Variants in RTF1 observed in about 807,000 individuals in gnomAD.
RTF1 encodes RNA polymerase-associated protein RTF1 homolog.
A neutral mutation model predicts 95.7 loss-of-function variants in RTF1; 10 were observed. The ratio of observed to expected loss-of-function variants is 0.10; its 90% CI spans 0.06 to 0.18. The LOEUF is 0.18. RTF1 is among the 10% of genes least tolerant of loss of function. The probability of loss-of-function intolerance (pLI) is 1.00; values close to 1 mark genes in which losing one functional copy is unlikely to be tolerated. For synonymous variants in RTF1, 305 were observed against 311.8 expected (o/e 0.98, Z 0.23); for missense variants, 458 against 875.6 (o/e 0.52, Z 6.02).
chr15:41,426,191 T>C (rs1421483230), intron 1 of RTF1, among the ~76,000 whole-genome samples: 1 of 152,176 alleles, frequency 6.6e-6, no homozygotes, highest in East Asian at 1.9e-4. Flanking sequence ...AGTGACACCA[T>C]CTTGGCTCAC....
chr15:41,471,382 G>A (rs775586868), intron 8 of RTF1, 33 bp downstream of exon 8: 3 of 1,585,184 alleles, frequency 1.9e-6, no homozygotes, highest in Non-Finnish European at 2.6e-6. Context: ...AATTGTCCAT[G>A]CTTTCAGTAT....
chr15:41,432,433 G>C (rs549088995), intron 1 of RTF1, among the ~76,000 whole-genome samples: 9 of 151,328 alleles, frequency 5.9e-5, no homozygotes, highest in Admixed American at 5.9e-4. Context: ...TCCTGACCTC[G>C]TGATCCACCC....
At chr15:41,434,696 C>T (rs1289673882) in intron 1 of RTF1, among the ~76,000 whole-genome samples, 1 of 150,704 alleles carries the variant, frequency 6.6e-6, no homozygotes, top group Non-Finnish European at 1.5e-5. Context: ...GATGCGATCT[C>T]TGCTCACTGC....
In RTF1 at chr15:41,417,206, G is replaced by A; in HGVS notation, c.91G>A (p.Gly31Ser). 1 of 1,262,346 alleles carries A rather than the reference G, an allele frequency of 7.9e-7. No homozygotes were observed. 78.2% of individuals were successfully genotyped at this position (1,262,346 alleles called of 1,614,324 possible). ...AGGCGGGCAAGAGGGGAGTCCGGGC[G>A]GCGGCCGGCGTGGGAGCCGGGGGAC... is the stretch of plus-strand genomic sequence containing the variant. ...LAGGQEGSPGGGRRGSRGTTM... is the reference protein window; with the variant it reads ...LAGGQEGSPGSGRRGSRGTTM... The change falls in exon 1 of 18, where the codon GGC becomes AGC. Residue 31 changes from glycine to serine, a missense_variant. Physicochemically the swap from Gly to Ser is moderately conservative, Grantham distance 56. Coordinates refer to ENST00000389629, the MANE Select transcript of RTF1 (RefSeq NM_015138.5).
chr15:41,420,757 C>A (rs1314676741), intron 1 of RTF1, among the ~76,000 whole-genome samples: 1 of 152,006 alleles, frequency 6.6e-6, no homozygotes, highest in East Asian at 1.9e-4. Context: ...AGGGGCAGAC[C>A]TCTGTGTCAG....
At position 41,483,030 on chromosome 15, in the gene RTF1, A is replaced by AC. The variant is rs35692658; in HGVS notation, c.*2348dup. ...CACCTCCCCACATGTAGCCGCTGAA[A>AC]CCCCCACGAGATGCCAATGCACACA... On this transcript the variant is annotated 3_prime_UTR_variant, in exon 18 of 18. Transcript: ENST00000389629. 6.6e-6 allele frequency: 1 copy of AC among 152,550 alleles called. No homozygotes were observed. Among genetic ancestry groups the AC allele is most frequent in the Non-Finnish European group, 1.5e-5 (1 of 68,032 alleles). 9.4% of individuals were successfully genotyped at this position (152,550 alleles called of 1,614,324 possible).
rs8040920 is a variant in RTF1 at position 41,438,050 on chromosome 15, T to C, written c.199-271T>C. 4.9e-4 allele frequency among the ~76,000 whole-genome samples: 75 copies of C among 152,114 alleles called. 1 individual carries two copies. Among genetic ancestry groups the C allele is most frequent in the Non-Finnish European group, 1.0e-4 (7 of 68,022 alleles). On this transcript the variant is annotated intron_variant, in intron 1 of 17. Transcript: ENST00000389629. ...TGTTTAGGGTAGAATCAGGAACAGT[T>C]TGGGGATAGCCTCCAGTTTGGTTCC...
intron 4 of RTF1, among the ~76,000 whole-genome samples, chr15:41,459,611 C>T (rs913876118): frequency 2.0e-5 from 3 of 152,260 alleles, no homozygotes; most frequent in Non-Finnish European, 2.9e-5. Flanking sequence ...AAATTGTTCA[C>T]GCTCCTAGGT....
chr15:41,445,025 G>A (rs187796182), intron 2 of RTF1, among the ~76,000 whole-genome samples: 3 of 152,016 alleles, frequency 2.0e-5, no homozygotes, highest in African/African-American at 4.8e-5. Flanking sequence ...TCCACCTCCC[G>A]GATTCACGCC....
At chr15:41,473,138 T>TAAC (rs2050922994) in intron 8 of RTF1, among the ~76,000 whole-genome samples, 1 of 152,060 alleles carries the variant, frequency 6.6e-6, no homozygotes, top group African/African-American at 2.4e-5. Flanking sequence ...TGTTTTGTTT[T>TAAC]GTTTTGTTTT....
intron 16 of RTF1, among the ~76,000 whole-genome samples, chr15:41,479,833 AGCCT>A (rs2050961423): frequency 1.3e-5 from 2 of 151,204 alleles, no homozygotes; most frequent in South Asian, 4.2e-4. Flanking sequence ...GTTGTACTCC[AGCCT>A]AGGTGACAAG....
chr15:41,475,886 C>A, intron 11 of RTF1, 67 bp downstream of exon 11: 1 of 765,486 alleles, frequency 1.3e-6, no homozygotes, highest in East Asian at 2.6e-5. Flanking sequence ...ACATGATTCT[C>A]TTTTATTTCC....
rs140513431 is a variant in RTF1 at position 41,429,924 on chromosome 15, T to C, written c.199-8397T>C. On this transcript the variant is annotated intron_variant, in intron 1 of 17. Coordinates refer to ENST00000389629, the MANE Select transcript of RTF1 (RefSeq NM_015138.5). ...ATTGTTTGTCTCCCATACTTGATTT[T>C]AAATTCCATGAGGTCAAGGACCATG... 6.8e-3 allele frequency among the ~76,000 whole-genome samples: 1,037 copies of C among 152,136 alleles called. 6 individuals are homozygous for C. Among genetic ancestry groups the C allele is most frequent in the Middle Eastern group, 0.014 (4 of 294 alleles).
intron 1 of RTF1, among the ~76,000 whole-genome samples, chr15:41,418,261 T>C (rs1392266835): frequency 6.6e-6 from 1 of 152,190 alleles, no homozygotes; most frequent in African/African-American, 2.4e-5. Context: ...ATGCAAGAGA[T>C]AGTAGCTTTT....
intron 2 of RTF1, among the ~76,000 whole-genome samples, chr15:41,450,474 A>C (rs933853775): frequency 6.6e-5 from 10 of 151,536 alleles, no homozygotes; most frequent in Non-Finnish European, 1.3e-4. Context: ...AATCCCAGCT[A>C]CTCGGGAGGC....
At chr15:41,462,860 A>G (rs887900043) in intron 4 of RTF1, among the ~76,000 whole-genome samples, 2 of 152,146 alleles carry the variant, frequency 1.3e-5, no homozygotes, top group South Asian at 2.1e-4. Flanking sequence ...TGTTCAAGCA[A>G]TCCTCCCACC....
At chr15:41,456,488 CAAA>C (rs554155784) in intron 3 of RTF1, among the ~76,000 whole-genome samples, 1 of 113,622 alleles carries the variant, frequency 8.8e-6, no homozygotes. Context: ...GACTCTGTCT[CAAA>C]AAAAAAAAAA....
At chr15:41,432,284 G>A (rs926821584) in intron 1 of RTF1, among the ~76,000 whole-genome samples, 3 of 149,556 alleles carry the variant, frequency 2.0e-5, no homozygotes, top group Admixed American at 1.3e-4. Context: ...TGCAAGTTCC[G>A]CCTCCCGGGT....
At chr15:41,433,843 CTTTT>C (rs11326489) in intron 1 of RTF1, among the ~76,000 whole-genome samples, 104 of 126,076 alleles carry the variant, frequency 8.2e-4, no homozygotes, top group Admixed American at 3.3e-3. Context: ...TGCTACCACA[CTTTT>C]TTTTTTTTTT....
Sources: gnomAD v4.1 joint callset for allele counts (sites outside exome capture counted in the v4.1 genomes callset) on GRCh38, gnomAD v4.1.1 for gene constraint, MANE v1.5 for transcripts, NCBI Gene and HGNC (gene_info 2026-07-23, HGNC 2026-07-21) for gene names.